The following ATRNL1 variants were observed in gnomAD, a reference collection of about 807,000 sequenced individuals.
ATRNL1 encodes attractin like 1, also known as attractin-like protein 1.
In ATRNL1, 95 loss-of-function variants were observed where a neutral mutation model predicts 182.7. The observed-to-expected ratio is 0.52, with a 90% CI of 0.44 to 0.62. The LOEUF (loss-of-function observed/expected upper bound fraction) is 0.62, where lower values mean the gene tolerates loss of function less well. Ranked by LOEUF, ATRNL1 falls within the 20% of genes least tolerant of loss-of-function variation. The pLI, the probability that ATRNL1 is intolerant of heterozygous loss-of-function variation, is 0.00. For missense variants in ATRNL1, 1,471 were observed against 1,679.5 expected, an observed-to-expected ratio of 0.88 and a Z score of 2.17; for synonymous variants, 576 against 568.3, an observed-to-expected ratio of 1.01 and a Z score of -0.19.
At chr10:115,472,333 T>C (rs1350499206) in intron 24 of ATRNL1, among the ~76,000 whole-genome samples, 1 of 151,150 alleles carries the variant, frequency 6.6e-6, no homozygotes, top group African/African-American at 2.4e-5. Flanking sequence ...TTGCAGTCTT[T>C]TGTGGTTCCT....
chr10:115,139,505 A>G (rs1199124893), intron 5 of ATRNL1, among the ~76,000 whole-genome samples: 1 of 152,196 alleles, frequency 6.6e-6, no homozygotes, highest in Non-Finnish European at 1.5e-5. Flanking sequence ...CAGAAAAAAG[A>G]TTGTGCAGGT....
chr10:115,313,484 G>T (rs988702372), intron 17 of ATRNL1, among the ~76,000 whole-genome samples: 9 of 152,128 alleles, frequency 5.9e-5, no homozygotes, highest in Non-Finnish European at 1.2e-4. Context: ...TTATAAGTAG[G>T]TGCACTGTCT....
chr10:115,177,874 T>G (rs1402152115), intron 8 of ATRNL1, among the ~76,000 whole-genome samples: 57 of 59,916 alleles, frequency 9.5e-4, no homozygotes, highest in Middle Eastern at 7.0e-3. Context: ...GGGAGCTGTG[T>G]TTTTTTTTTT....
At chr10:115,655,478 A>T (rs991535940) in intron 26 of ATRNL1, among the ~76,000 whole-genome samples, 15 of 152,170 alleles carry the variant, frequency 9.9e-5, no homozygotes, top group Admixed American at 9.8e-4. Flanking sequence ...TAAGGAATAA[A>T]ATTTTAGTAA....
intron 26 of ATRNL1, among the ~76,000 whole-genome samples, chr10:115,649,422 C>G (rs1459598034): frequency 6.6e-6 from 1 of 152,046 alleles, no homozygotes; most frequent in Non-Finnish European, 1.5e-5. Flanking sequence ...AGGTTTCCAG[C>G]TGAGGTTGTT....
intron 10 of ATRNL1, among the ~76,000 whole-genome samples, chr10:115,263,161 A>G (rs1224188881): frequency 6.6e-6 from 1 of 151,934 alleles, no homozygotes; most frequent in African/African-American, 2.4e-5. Context: ...TACAATGAGC[A>G]CACAGTACCA....
At chr10:115,493,747 T>C (rs1849420611) in intron 24 of ATRNL1, among the ~76,000 whole-genome samples, 1 of 152,236 alleles carries the variant, frequency 6.6e-6, no homozygotes, top group Non-Finnish European at 1.5e-5. Flanking sequence ...GTATAAGTTT[T>C]CTCTTTTCTC....
At chr10:115,321,925 T>C (rs1336649551) in intron 18 of ATRNL1, among the ~76,000 whole-genome samples, 1 of 152,058 alleles carries the variant, frequency 6.6e-6, no homozygotes, top group Non-Finnish European at 1.5e-5. Context: ...AGTTACAGAA[T>C]GCCTAATCAA....
At chr10:115,459,009 G>T (rs1478488227) in intron 21 of ATRNL1, among the ~76,000 whole-genome samples, 1 of 152,038 alleles carries the variant, frequency 6.6e-6, no homozygotes, top group Non-Finnish European at 1.5e-5. Context: ...TAATACTTTT[G>T]TAATTTCTTA....
At chr10:115,165,505 A>G (rs781824869) in intron 6 of ATRNL1, 53 bp from the exon 7 acceptor site, 2 of 1,149,642 alleles carry the variant, frequency 1.7e-6, no homozygotes, top group Non-Finnish European at 2.4e-6. Flanking sequence ...TGAAAATTAA[A>G]AAAACAAAAA....
chr10:115,218,123 A>C (rs1348878427), intron 9 of ATRNL1, among the ~76,000 whole-genome samples: 5 of 151,892 alleles, frequency 3.3e-5, no homozygotes, highest in Admixed American at 3.3e-4. Flanking sequence ...ACAATTATAC[A>C]ACTCACCATA....
At chr10:115,397,618 A>G (rs1554955959) in intron 20 of ATRNL1, among the ~76,000 whole-genome samples, 1 of 152,018 alleles carries the variant, frequency 6.6e-6, no homozygotes, top group African/African-American at 2.4e-5. Flanking sequence ...TGGTTGGATA[A>G]GAAAAATTTA....
At chr10:115,855,674 C>G (rs1329929952) in intron 28 of ATRNL1, among the ~76,000 whole-genome samples, 4 of 152,162 alleles carry the variant, frequency 2.6e-5, no homozygotes, top group African/African-American at 9.7e-5. Context: ...AAGCCCATAA[C>G]CTCGATAGAC....
At chr10:115,271,481 C>G (rs1851863974) in intron 13 of ATRNL1, among the ~76,000 whole-genome samples, 1 of 151,664 alleles carries the variant, frequency 6.6e-6, no homozygotes, top group Non-Finnish European at 1.5e-5. Flanking sequence ...CGATCTAGAA[C>G]TAGAAATACC....
At chr10:115,282,968 C>T (rs1351582611) in intron 14 of ATRNL1, among the ~76,000 whole-genome samples, 1 of 151,978 alleles carries the variant, frequency 6.6e-6, no homozygotes, top group Non-Finnish European at 1.5e-5. Flanking sequence ...CTATCCCTCC[C>T]CTAGCCCCCT....
At chr10:115,655,210 T>A (rs1860256724) in intron 26 of ATRNL1, among the ~76,000 whole-genome samples, 1 of 152,160 alleles carries the variant, frequency 6.6e-6, no homozygotes, top group African/African-American at 2.4e-5. Flanking sequence ...CTCACAGTCA[T>A]GATTTAACTA....
At chr10:115,557,533 G>A (rs1853384678) in intron 26 of ATRNL1, among the ~76,000 whole-genome samples, 1 of 152,070 alleles carries the variant, frequency 6.6e-6, no homozygotes. Flanking sequence ...AAATTCTGGT[G>A]GTTCAAGTGA....
chr10:115,204,125 A>G (rs1014150677), intron 8 of ATRNL1, among the ~76,000 whole-genome samples: 1 of 151,970 alleles, frequency 6.6e-6, no homozygotes, highest in Non-Finnish European at 1.5e-5. Context: ...TAAAAATGCT[A>G]CTGATTTTTG....
chr10:115,848,830 A>G (rs1950989197), intron 28 of ATRNL1, among the ~76,000 whole-genome samples: 1 of 152,182 alleles, frequency 6.6e-6, no homozygotes, highest in South Asian at 2.1e-4. Context: ...TTTGAGGGCA[A>G]GGGTGATTTC....
Sources: gnomAD v4.1 joint callset for allele counts (sites outside exome capture counted in the v4.1 genomes callset) on GRCh38, gnomAD v4.1.1 for gene constraint, MANE v1.5 for transcripts, NCBI Gene and HGNC (gene_info 2026-07-23, HGNC 2026-07-21) for gene names.